NGLY1: variants seen among roughly 807,000 people sequenced by gnomAD.
NGLY1 encodes the protein peptide-N(4)-(N-acetyl-beta-glucosaminyl)asparagine amidase.
NGLY1 carries 68 observed loss-of-function variants against 84.6 expected under a neutral mutation model. That is an observed-to-expected ratio of 0.80 (90% CI 0.66 to 0.98). The LOEUF is 0.98. Among genes scored for constraint, NGLY1 ranks in the 50% least tolerant of loss-of-function variants. The probability of loss-of-function intolerance (pLI) is 0.00; values close to 1 mark genes in which losing one functional copy is unlikely to be tolerated. For synonymous variants in NGLY1, 280 were observed against 275.2 expected, an observed-to-expected ratio of 1.02 and a Z score of -0.17; for missense variants, 779 against 770.2, an observed-to-expected ratio of 1.01 and a Z score of -0.14.
At chr3:25,723,749 A>G (rs373507826) in intron 10 of NGLY1, among the ~76,000 whole-genome samples, 1 of 152,206 alleles carries the variant, frequency 6.6e-6, no homozygotes, top group Non-Finnish European at 1.5e-5. Context: ...GTTGGCTTTA[A>G]AAAATTTTTT....
exon 1 of NGLY1, chr3:25,790,010 G>T: frequency 1.0e-6 from 1 of 985,022 alleles, no homozygotes; most frequent in Non-Finnish European, 1.6e-6. Context: ...GGCGGAAAGA[G>T]AGTCGAACGG....
At chr3:25,745,895 T>G (rs1444141194) in intron 4 of NGLY1, among the ~76,000 whole-genome samples, 1 of 152,258 alleles carries the variant, frequency 6.6e-6, no homozygotes, top group Non-Finnish European at 1.5e-5. Context: ...AATAAGGTTA[T>G]GTAACATTTC....
chr3:25,744,363 A>C (rs1706312132), intron 4 of NGLY1, among the ~76,000 whole-genome samples: 1 of 152,258 alleles, frequency 6.6e-6, no homozygotes, highest in Non-Finnish European at 1.5e-5. Flanking sequence ...AAAGCTATCA[A>C]ATCATGCTTC....
chr3:25,736,239 T>A (rs1344812782), intron 6 of NGLY1, 90 bp from the exon 7 acceptor site: 1 of 1,558,212 alleles, frequency 6.4e-7, no homozygotes, highest in Non-Finnish European at 8.7e-7. Flanking sequence ...CTAAGAATCA[T>A]AAAGTAATGC....
upstream of NGLY1, among the ~76,000 whole-genome samples, chr3:25,785,257 G>A (rs949682215): frequency 1.3e-5 from 2 of 151,120 alleles, no homozygotes; most frequent in East Asian, 3.9e-4. Context: ...GATAAAAGGG[G>A]GTATTTCAGT....
At chr3:25,746,958 T>C (rs1281373119) in intron 4 of NGLY1, among the ~76,000 whole-genome samples, 1 of 152,156 alleles carries the variant, frequency 6.6e-6, no homozygotes, top group Non-Finnish European at 1.5e-5. Context: ...GACTCCCGAG[T>C]AGCTGGGATT....
intron 7 of NGLY1, 149 bp downstream of exon 7, chr3:25,735,855 G>C: frequency 1.5e-6 from 1 of 682,682 alleles, no homozygotes; most frequent in Non-Finnish European, 2.3e-6. Context: ...TTGCAGTGAT[G>C]ATTTCAGTGT....
At chr3:25,734,093 G>C (rs1705695963) in intron 7 of NGLY1, 111 bp from the exon 8 acceptor site, 1 of 1,431,938 alleles carries the variant, frequency 7.0e-7, no homozygotes, top group South Asian at 1.4e-5. Flanking sequence ...TGGAGACGAA[G>C]TCTCGCTCTG....
At chr3:25,788,595 A>G (rs1708653116) in intron 1 of NGLY1, among the ~76,000 whole-genome samples, 1 of 152,254 alleles carries the variant, frequency 6.6e-6, no homozygotes, top group Non-Finnish European at 1.5e-5. Context: ...TTGTGATATT[A>G]CAAAAGAAAT....
intron 1 of NGLY1, 107 bp from the exon 2 acceptor site, chr3:25,778,795 G>T: frequency 2.0e-6 from 1 of 500,688 alleles, no homozygotes; most frequent in East Asian, 3.3e-5. Flanking sequence ...ATAGTCACCT[G>T]ATTTTCTTTC....
chr3:25,732,495 G>A lies in NGLY1; in HGVS notation c.1261-12C>T, dbSNP rs1303749313. On this transcript the variant is annotated splice_polypyrimidine_tract_variant and intron_variant, in intron 8 of 11. Coordinates refer to ENST00000280700, the MANE Select transcript of NGLY1 (RefSeq NM_018297.4). ...AAAAACAGTTGCCTCTGTAATTCAT[G>A]TTTTTTAAAAAAGTTGTTAAGATTA... 1.2e-6 allele frequency: 2 copies of A among 1,606,248 alleles called. No homozygotes were observed. The highest frequency in any genetic ancestry group is 1.7e-5 in the Admixed American group (1 of 58,612).
At chr3:25,788,167 T>C (rs560637799), upstream of NGLY1, among the ~76,000 whole-genome samples, 1 of 152,160 alleles carries the variant, frequency 6.6e-6, no homozygotes. Flanking sequence ...ACTTCAAGCA[T>C]TGATAGGAAG....
chr3:25,769,310 G>A (rs1335952356), intron 2 of NGLY1, among the ~76,000 whole-genome samples: 1 of 152,134 alleles, frequency 6.6e-6, no homozygotes, highest in African/African-American at 2.4e-5. Flanking sequence ...GCAGTAAGCC[G>A]AGATTGTGCC....
chr3:25,736,893 T>C (rs187313663), intron 6 of NGLY1: 21 of 161,694 alleles, frequency 1.3e-4, no homozygotes, highest in Admixed American at 3.0e-4. Context: ...GATAGATCAA[T>C]AGGGTGTTTA....
rs1395639383 is a variant in NGLY1, at chr3:25,764,266, G to A, written c.292C>T (p.Leu98=). The A allele has an allele frequency of 6.2e-7, 1 of 1,614,022 alleles. No individual in the cohort carries two copies. The highest frequency in any genetic ancestry group is 8.5e-7 in the Non-Finnish European group (1 of 1,180,010). ...IFPKKASVEQ[L]QKIRDLIAIE... ...GCAATCAGGTCACGAATTTTTTGCA[G>A]CTGCTCCACTGAAGCTTTTTTAGGA... The change falls in exon 3 of 12, where the codon CTG becomes TTG. Residue 98 remains leucine (L), a synonymous_variant. Transcript: ENST00000280700.
chr3:25,719,882 A>ATTT (rs5847370), intron 11 of NGLY1, 132 bp downstream of exon 11: 417 of 596,508 alleles, frequency 7.0e-4, no homozygotes, highest in South Asian at 1.4e-3. Flanking sequence ...GGTTTATTAA[A>ATTT]TTTTTTTTTT....
chr3:25,753,671 A>G (rs2125520576), intron 3 of NGLY1, among the ~76,000 whole-genome samples: 1 of 152,230 alleles, frequency 6.6e-6, no homozygotes, highest in East Asian at 1.9e-4. Context: ...AAAAGACTAA[A>G]AAGATTATAT....
intron 4 of NGLY1, among the ~76,000 whole-genome samples, chr3:25,744,001 G>T (rs1295886662): frequency 6.6e-6 from 1 of 152,070 alleles, no homozygotes; most frequent in African/African-American, 2.4e-5. Flanking sequence ...TGAATACTGG[G>T]TTTATTTCAA....
At position 25,728,693 on chromosome 3, in the gene NGLY1, T is replaced by C. The variant is rs184270647; in HGVS notation, c.1611+440A>G. The stretch of plus-strand genomic sequence containing the variant: ...TTGAAGTGAATGCCTGTTAGATGTT[T>C]AGCTTTCTGAAACTTTGAACTAAAT... On this transcript the variant is annotated intron_variant, in intron 10 of 11. Transcript: ENST00000280700. Among the ~76,000 whole-genome samples, 513 of 152,272 alleles carry C rather than the reference T, an allele frequency of 3.4e-3. 2 individuals carry two copies. The highest frequency in any genetic ancestry group is 0.011 in the African/African-American group (473 of 41,572).
Sources: allele counts gnomAD v4.1 joint callset (sites outside exome capture counted in the v4.1 genomes callset), GRCh38; gene constraint gnomAD v4.1.1; transcripts MANE v1.5; gene names NCBI Gene and HGNC (gene_info 2026-07-23, HGNC 2026-07-21).